MYO1B: variants seen among roughly 807,000 people sequenced by gnomAD.
The protein encoded by MYO1B is myosin IB, also known as unconventional myosin-Ib.
A neutral mutation model predicts 159.7 loss-of-function variants in MYO1B; 72 were observed. The ratio of observed to expected loss-of-function variants is 0.45; its 90% CI spans 0.37 to 0.55. The LOEUF (loss-of-function observed/expected upper bound fraction) is 0.55, where lower values mean the gene tolerates loss of function less well. Among genes scored for constraint, MYO1B ranks in the 20% least tolerant of loss-of-function variants. The probability of loss-of-function intolerance (pLI) is 0.00; values close to 1 mark genes in which losing one functional copy is unlikely to be tolerated. For missense variants in MYO1B, 1,062 were observed against 1,364.8 expected (o/e 0.78, Z 3.50); for synonymous variants, 468 against 473.8 (o/e 0.99, Z 0.16).
chr2:191,352,473 A>C (rs919413728), intron 7 of MYO1B, among the ~76,000 whole-genome samples: 2 of 152,246 alleles, frequency 1.3e-5, no homozygotes, highest in Admixed American at 1.3e-4. Flanking sequence ...AAGGATTAGA[A>C]AATAACTTCA....
At chr2:191,287,710 A>G (rs1370283483) in intron 2 of MYO1B, among the ~76,000 whole-genome samples, 1 of 152,204 alleles carries the variant, frequency 6.6e-6, no homozygotes, top group African/African-American at 2.4e-5. Context: ...GAGCTTAAAT[A>G]CTATACTTAG....
At chr2:191,293,220 GAGAAAA>G (rs1467538632) in intron 2 of MYO1B, among the ~76,000 whole-genome samples, 1 of 152,148 alleles carries the variant, frequency 6.6e-6, no homozygotes, top group Non-Finnish European at 1.5e-5. Context: ...TGAAGGAGTG[GAGAAAA>G]AAACTCTATC....
intron 1 of MYO1B, among the ~76,000 whole-genome samples, chr2:191,256,375 CAT>C (rs1686451050): frequency 1.3e-5 from 2 of 152,326 alleles, no homozygotes; most frequent in South Asian, 4.1e-4. Flanking sequence ...TGAATCAACA[CAT>C]GTGCAGCTCC....
At chr2:191,255,505 T>C (rs1480400810) in intron 1 of MYO1B, among the ~76,000 whole-genome samples, 1 of 152,058 alleles carries the variant, frequency 6.6e-6, no homozygotes, top group Admixed American at 6.6e-5. Context: ...TGGAAGAACT[T>C]TGTAGGCAAT....
At chr2:191,271,475 A>G (rs1687451592) in intron 1 of MYO1B, among the ~76,000 whole-genome samples, 1 of 152,024 alleles carries the variant, frequency 6.6e-6, no homozygotes, top group Non-Finnish European at 1.5e-5. Context: ...GGAGCTTGAG[A>G]CCAGCCTGGG....
At chr2:191,356,966 C>T (rs1693333387) in intron 7 of MYO1B, among the ~76,000 whole-genome samples, 1 of 152,172 alleles carries the variant, frequency 6.6e-6, no homozygotes, top group Admixed American at 6.5e-5. Context: ...GAGTGATAGC[C>T]TTTCAGTCAA....
intron 30 of MYO1B, among the ~76,000 whole-genome samples, chr2:191,417,966 C>T (rs945816130): frequency 6.6e-6 from 1 of 152,098 alleles, no homozygotes; most frequent in African/African-American, 2.4e-5. Context: ...TCACAGAGGG[C>T]GTGTGATGTT....
chr2:191,311,089 G>T (rs1261134504), intron 3 of MYO1B, among the ~76,000 whole-genome samples: 2 of 152,124 alleles, frequency 1.3e-5, no homozygotes, highest in African/African-American at 4.8e-5. Flanking sequence ...AGTGTTCATT[G>T]GATGCATAGG....
chr2:191,364,067 A>G, intron 10 of MYO1B, 91 bp from the exon 11 acceptor site: 1 of 1,263,846 alleles, frequency 7.9e-7, no homozygotes, highest in Non-Finnish European at 1.2e-6. Flanking sequence ...CTGTTTGATT[A>G]TGATTTAGAA....
intron 2 of MYO1B, among the ~76,000 whole-genome samples, chr2:191,279,943 T>G (rs1687958507): frequency 6.6e-6 from 1 of 152,168 alleles, no homozygotes; most frequent in Non-Finnish European, 1.5e-5. Context: ...GAACTCTGGA[T>G]CTGGATACAC....
chr2:191,373,201 C>G (rs1266235124), intron 13 of MYO1B, among the ~76,000 whole-genome samples: 2 of 152,180 alleles, frequency 1.3e-5, no homozygotes, highest in Non-Finnish European at 2.9e-5. Context: ...GAGGATTACT[C>G]TATTTCAGTG....
intron 20 of MYO1B, among the ~76,000 whole-genome samples, chr2:191,394,255 TGTC>T (rs920362551): frequency 5.9e-5 from 9 of 152,206 alleles, no homozygotes; most frequent in African/African-American, 2.2e-4. Flanking sequence ...TTTGGACTGT[TGTC>T]ACCCAGCCTG....
chr2:191,249,152 T>TA (rs1286955047), intron 1 of MYO1B, among the ~76,000 whole-genome samples: 13 of 152,378 alleles, frequency 8.5e-5, no homozygotes, highest in African/African-American at 3.1e-4. Context: ...AAGCCCTTTT[T>TA]ATCTTACAGC....
At chr2:191,308,676 A>C (rs1689799974) in intron 3 of MYO1B, among the ~76,000 whole-genome samples, 1 of 151,904 alleles carries the variant, frequency 6.6e-6, no homozygotes, top group Non-Finnish European at 1.5e-5. Context: ...GGGTATGCTT[A>C]TTGTCTCTAG....
chr2:191,370,314 G>T (rs1212817598), intron 13 of MYO1B, 22 bp downstream of exon 13: 1 of 1,569,870 alleles, frequency 6.4e-7, no homozygotes, highest in Non-Finnish European at 8.8e-7. Context: ...AATTTTTTTT[G>T]TATTGTCTTT....
chr2:191,298,099 C>T (rs1689091873), intron 3 of MYO1B, among the ~76,000 whole-genome samples: 1 of 152,164 alleles, frequency 6.6e-6, no homozygotes, highest in Non-Finnish European at 1.5e-5. Flanking sequence ...ATATATATAC[C>T]ACTGTCCAGA....
rs772879693 is a variant in MYO1B at position 191,393,202 on chromosome 2, G to A, written c.2206G>A (p.Ala736Thr). Residue 736 changes from alanine (A) to threonine (T), a missense_variant, in exon 20 of 31, where the codon GCC (alanine) becomes ACC (threonine). Transcript: ENST00000392318. Reference protein sequence around the residue: ...LMKKSQIVIAAWYRRYAQQKR... With the variant: ...LMKKSQIVIATWYRRYAQQKR... Reference sequence around the variant, plus strand: ...GAAAAAAAGCCAAATTGTGATTGCCGCCTGGTACAGGAGATATGCGGTAAG... The same window carrying A: ...GAAAAAAAGCCAAATTGTGATTGCCACCTGGTACAGGAGATATGCGGTAAG... 8 of 1,613,970 alleles carry A rather than the reference G, an allele frequency of 5.0e-6. No individual in the cohort carries two copies. The highest frequency in any genetic ancestry group is 2.2e-5 in the East Asian group (1 of 44,884).
At chr2:191,250,442 C>T (rs567572569) in intron 1 of MYO1B, among the ~76,000 whole-genome samples, 3 of 152,234 alleles carry the variant, frequency 2.0e-5, no homozygotes, top group Admixed American at 6.5e-5. Context: ...TTGGTACCTC[C>T]GCCAACTCTC....
intron 2 of MYO1B, among the ~76,000 whole-genome samples, chr2:191,291,845 G>T (rs1688705901): frequency 6.6e-6 from 1 of 152,192 alleles, no homozygotes; most frequent in Non-Finnish European, 1.5e-5. Context: ...TTAATCTGGT[G>T]CTGTAGTCAC....
Sources: gnomAD v4.1 joint callset for allele counts (sites outside exome capture counted in the v4.1 genomes callset) on GRCh38, gnomAD v4.1.1 for gene constraint, MANE v1.5 for transcripts, NCBI Gene and HGNC (gene_info 2026-07-23, HGNC 2026-07-21) for gene names.